The following NKAIN3 variants were observed in gnomAD, a reference collection of about 807,000 sequenced individuals.
The protein encoded by NKAIN3 is sodium/potassium transporting ATPase interacting 3.
A neutral mutation model predicts 30.2 loss-of-function variants in NKAIN3; 25 were observed. The observed-to-expected ratio is 0.83, with a 90% CI of 0.60 to 1.16. The LOEUF (loss-of-function observed/expected upper bound fraction) is 1.16. Ranked by LOEUF, NKAIN3 falls within the 50% of genes most tolerant of loss-of-function variation. The pLI is 0.00. For missense variants in NKAIN3, 225 were observed against 254.1 expected (o/e 0.89, Z 0.78); for synonymous variants, 91 against 89.6 (o/e 1.02, Z -0.09).
chr8:62,266,076 G>A (rs1812589382), intron 1 of NKAIN3, among the ~76,000 whole-genome samples: 1 of 152,020 alleles, frequency 6.6e-6, no homozygotes, highest in Admixed American at 6.6e-5. Flanking sequence ...ACTCTTCTCT[G>A]TCCTATGTTT....
intron 3 of NKAIN3, among the ~76,000 whole-genome samples, chr8:62,654,104 C>T (rs1054568999): frequency 4.0e-5 from 6 of 151,656 alleles, no homozygotes; most frequent in Non-Finnish European, 4.4e-5. Context: ...CTATCACTAA[C>T]ATCCTAAGAG....
intron 1 of NKAIN3, among the ~76,000 whole-genome samples, chr8:62,301,250 A>G (rs995520216): frequency 1.3e-5 from 2 of 152,136 alleles, no homozygotes; most frequent in Non-Finnish European, 2.9e-5. Context: ...TTTAAGGGAA[A>G]CATCTCTATA....
chr8:62,405,709 G>A lies in NKAIN3; in HGVS notation c.54+156582G>A, dbSNP rs143309980. Among the ~76,000 whole-genome samples the A allele has an allele frequency of 1.1e-3, 171 of 152,158 alleles. 1 individual carries two copies. Among genetic ancestry groups the A allele is most frequent in the Non-Finnish European group, 2.3e-3 (154 of 68,026 alleles). On this transcript the variant is annotated intron_variant, in intron 1 of 6. Coordinates refer to ENST00000623646, the MANE Select transcript of NKAIN3 (RefSeq NM_001304533.3). Reference sequence around the variant, plus strand: ...CTTTCAGTGATGTGAGCTAAAACCAGGTACTGTAATTGCTCACCTGATTAC... The same window carrying A: ...CTTTCAGTGATGTGAGCTAAAACCAAGTACTGTAATTGCTCACCTGATTAC...
At chr8:62,883,334 G>T (rs1050831561) in intron 4 of NKAIN3, among the ~76,000 whole-genome samples, 11 of 151,636 alleles carry the variant, frequency 7.3e-5, no homozygotes, top group African/African-American at 2.7e-4. Flanking sequence ...AAATGGTATT[G>T]TGTTTTTAAT....
At chr8:62,735,037 T>A (rs959399637) in intron 3 of NKAIN3, among the ~76,000 whole-genome samples, 1 of 152,226 alleles carries the variant, frequency 6.6e-6, no homozygotes, top group Non-Finnish European at 1.5e-5. Context: ...TTAAAATTAT[T>A]TCCTTTGTCT....
At chr8:62,271,797 A>T (rs983283495) in intron 1 of NKAIN3, among the ~76,000 whole-genome samples, 2 of 152,206 alleles carry the variant, frequency 1.3e-5, no homozygotes, top group African/African-American at 4.8e-5. Context: ...AGAACATTCT[A>T]GAATGCTGAA....
In NKAIN3 at chr8:62,312,069, G is replaced by GA. The variant is rs1016662696; in HGVS notation, c.54+62951dup. On this transcript the variant is annotated intron_variant, in intron 1 of 6. Coordinates refer to ENST00000623646, the MANE Select transcript of NKAIN3 (RefSeq NM_001304533.3). ...ATGATCAAGTGAGAAAAAATTTTCA[G>GA]AAAAAAAAATAAAGGAGAATGTTCT... Among the ~76,000 whole-genome samples, 7 of 148,076 alleles carry GA rather than the reference G, an allele frequency of 4.7e-5. 1 individual carries two copies. The highest frequency in any genetic ancestry group is 1.0e-4 in the African/African-American group (4 of 39,042).
At chr8:62,751,309 G>A (rs1175334003) in intron 4 of NKAIN3, among the ~76,000 whole-genome samples, 3 of 152,084 alleles carry the variant, frequency 2.0e-5, no homozygotes, top group African/African-American at 4.8e-5. Flanking sequence ...ATTTAATTTT[G>A]TTAAGTAGTT....
At position 62,760,680 on chromosome 8, in the gene NKAIN3, G is replaced by A. The variant is rs540872562; in HGVS notation, c.471+13551G>A. On this transcript the variant is annotated intron_variant, in intron 4 of 6. Coordinates refer to ENST00000623646, the MANE Select transcript of NKAIN3 (RefSeq NM_001304533.3). ...TTAGGAGATATACCTAATGTTAAATGACGAGTTAATGGGTGCAGCACACCA... is the reference window on the plus strand; with the variant it reads ...TTAGGAGATATACCTAATGTTAAATAACGAGTTAATGGGTGCAGCACACCA... 5.3e-3 allele frequency among the ~76,000 whole-genome samples: 809 copies of A among 151,904 alleles called. 2 individuals are homozygous for A. Among genetic ancestry groups the A allele is most frequent in the African/African-American group, 0.018 (750 of 41,396 alleles).
At chr8:62,559,943 G>C (rs1408718404) in intron 1 of NKAIN3, among the ~76,000 whole-genome samples, 1 of 152,036 alleles carries the variant, frequency 6.6e-6, no homozygotes, top group East Asian at 1.9e-4. Context: ...TTCAGGGTAA[G>C]TCTGCTGGCA....
intron 1 of NKAIN3, among the ~76,000 whole-genome samples, chr8:62,348,038 T>A (rs1465982360): frequency 6.6e-6 from 1 of 152,148 alleles, no homozygotes; most frequent in Non-Finnish European, 1.5e-5. Flanking sequence ...TTTTTTATTG[T>A]TTTATTTATT....
intron 1 of NKAIN3, among the ~76,000 whole-genome samples, chr8:62,575,606 A>G (rs990033212): frequency 1.3e-5 from 2 of 152,144 alleles, no homozygotes; most frequent in African/African-American, 4.8e-5. Context: ...CAGAAATAGA[A>G]AAAACAATCT....
intron 1 of NKAIN3, among the ~76,000 whole-genome samples, chr8:62,492,590 A>G (rs552022624): frequency 6.6e-6 from 1 of 152,264 alleles, no homozygotes; most frequent in South Asian, 2.1e-4. Flanking sequence ...TTCAACTATT[A>G]TTCTATTATA....
Position 62,672,525 on chromosome 8 carries a change from G to T in NKAIN3, c.274-74407G>T, listed in dbSNP as rs151310475. Among the ~76,000 whole-genome samples the T allele has an allele frequency of 2.6e-3, 396 of 152,276 alleles. 1 individual carries two copies. Among genetic ancestry groups the T allele is most frequent in the African/African-American group, 9.1e-3 (379 of 41,562 alleles). ...ATCAGAAGGATGTTTACTATACTTG[G>T]AACCAAAAGAGGCATGGTTAGTTTT... is the stretch of plus-strand genomic sequence containing the variant. On this transcript the variant is annotated intron_variant, in intron 3 of 6. Coordinates refer to ENST00000623646, the MANE Select transcript of NKAIN3 (RefSeq NM_001304533.3).
intron 4 of NKAIN3, among the ~76,000 whole-genome samples, chr8:62,783,814 TG>T (rs1817432433): frequency 6.6e-6 from 1 of 151,944 alleles, no homozygotes; most frequent in African/African-American, 2.4e-5. Context: ...TGTGGAGACC[TG>T]TATTTTGTTT....
intron 3 of NKAIN3, among the ~76,000 whole-genome samples, chr8:62,600,466 T>A (rs1317928594): frequency 2.0e-5 from 3 of 151,928 alleles, no homozygotes; most frequent in African/African-American, 7.2e-5. Flanking sequence ...GAGGTAGACA[T>A]TAGTATCTTT....
At position 62,950,165 on chromosome 8, in the gene NKAIN3, G is replaced by A. The variant is rs528385510; in HGVS notation, c.533-3737G>A. On this transcript the variant is annotated intron_variant, in intron 5 of 6. Transcript: ENST00000623646. ...CTAATGAGTTATTTTTAAGTCTTTT[G>A]TTAAGTGTTCTATTTCTTAATTTTC... is the stretch of plus-strand genomic sequence containing the variant. 1.2e-4 allele frequency among the ~76,000 whole-genome samples: 18 copies of A among 152,140 alleles called. No homozygotes were observed. The East Asian group carries it at 3.1e-3, about 26-fold the overall frequency.
chr8:62,663,573 A>G (rs1225543784), intron 3 of NKAIN3, among the ~76,000 whole-genome samples: 1 of 152,164 alleles, frequency 6.6e-6, no homozygotes, highest in Non-Finnish European at 1.5e-5. Flanking sequence ...ACATCTGAAT[A>G]CCCACTTTGT....
chr8:62,964,535 A>AGAGTGTG (rs1563647975), intron 6 of NKAIN3, among the ~76,000 whole-genome samples: 3 of 100,000 alleles, frequency 3.0e-5, no homozygotes. Flanking sequence ...AGAGAGAGAG[A>AGAGTGTG]GAGTGTGTGT....
Sources: gnomAD v4.1 joint callset for allele counts (sites outside exome capture counted in the v4.1 genomes callset) on GRCh38, gnomAD v4.1.1 for gene constraint, MANE v1.5 for transcripts, NCBI Gene and HGNC (gene_info 2026-07-23, HGNC 2026-07-21) for gene names.